The following PCDHGB2 variants were observed in gnomAD, a reference collection of about 807,000 sequenced individuals.
PCDHGB2 encodes protocadherin gamma subfamily B, 2, also known as protocadherin gamma-B2.
In PCDHGB2, 55 loss-of-function variants were observed where a neutral mutation model predicts 59.3. The ratio of observed to expected loss-of-function variants is 0.93; its 90% CI spans 0.75 to 1.16. The LOEUF (loss-of-function observed/expected upper bound fraction) is 1.16. Among genes scored for constraint, PCDHGB2 ranks in the 50% most tolerant of loss-of-function variants. The probability of loss-of-function intolerance (pLI) is 0.00; values close to 1 mark genes in which losing one functional copy is unlikely to be tolerated. For missense variants in PCDHGB2, 1,228 were observed against 1,198.5 expected (o/e 1.02, Z -0.36); for synonymous variants, 516 against 512.0 (o/e 1.01, Z -0.11).
At position 141,360,574 on chromosome 5, in the gene PCDHGB2, A is replaced by G. The variant is rs1761656122; in HGVS notation, c.439A>G (p.Lys147Glu). 3 of 1,613,862 alleles carry G rather than the reference A, an allele frequency of 1.9e-6. No homozygotes were observed. In the African/African-American group the frequency reaches 4.0e-5, roughly 22 times the overall value. Reference protein sequence around the residue: ...KINLKIGESTKPGTTFPLDPA... With the variant: ...KINLKIGESTEPGTTFPLDPA... ...TAATTTAAAAATTGGCGAATCCACT[A>G]AGCCAGGTACAACATTTCCACTTGA... Residue 147 changes from lysine (K) to glutamate (E), a missense_variant, in exon 1 of 4, where the codon AAG becomes GAG. Transcript: ENST00000522605.
At chr5:141,506,462 AAAAG>A (rs1396142744) in intron 3 of PCDHGB2, among the ~76,000 whole-genome samples, 1 of 151,856 alleles carries the variant, frequency 6.6e-6, no homozygotes, top group African/African-American at 2.4e-5. Flanking sequence ...AAAAAAAAAA[AAAAG>A]AGCACAGGCT....
At chr5:141,390,334 A>T (rs764594293) in intron 1 of PCDHGB2, 1 of 1,597,538 alleles carries the variant, frequency 6.3e-7, no homozygotes, top group Non-Finnish European at 8.5e-7. Flanking sequence ...ATTTCTCCAT[A>T]TTCACAAGAA....
chr5:141,387,777 C>G, intron 1 of PCDHGB2: 1 of 1,453,750 alleles, frequency 6.9e-7, no homozygotes, highest in Non-Finnish European at 9.2e-7. Context: ...TTTTCTTGAA[C>G]TGGAACTGCA....
rs539372561 is a variant in PCDHGB2, at chr5:141,379,222, GT to G, written c.2421+16671del. On this transcript the variant is annotated intron_variant, in intron 1 of 3. Coordinates refer to ENST00000522605, the MANE Select transcript of PCDHGB2 (RefSeq NM_018923.3). ...AAATAAGCTGCTAAGAGTAATATGT[GT>G]TTTTCTGAACCAATATTGTGGTATT... 26 of 152,080 alleles carry G rather than the reference GT, an allele frequency of 1.7e-4. 1 individual carries two copies. The highest frequency in any genetic ancestry group is 3.1e-4 in the Non-Finnish European group (21 of 67,992). The allele number at this position is 152,080 out of a possible 1,614,324, so 9.4% of individuals were successfully genotyped here. A position where few individuals can be genotyped will look rare whatever the true frequency, so the allele number is the denominator to read the frequency against.
Position 141,431,479 on chromosome 5 carries a change from A to T in PCDHGB2, c.2422-63328A>T. 1 of 1,613,892 alleles carries T rather than the reference A, an allele frequency of 6.2e-7. No individual in the cohort carries two copies. Among genetic ancestry groups the T allele is most frequent in the South Asian group, 1.1e-5 (1 of 91,092 alleles). On this transcript the variant is annotated intron_variant, in intron 1 of 3. Transcript: ENST00000522605. This position sits in a 1 kb window ranked among gnomAD's most constrained non-coding sequence, Gnocchi z 4.8. ...TTCTGGATGCGAACGACAACGCACC[A>T]GCGTTTGCTCAGCCCGAGTACCGCG...
At chr5:141,422,758 A>C (rs1237677806) in intron 1 of PCDHGB2, 3 of 1,613,032 alleles carry the variant, frequency 1.9e-6, no homozygotes, top group Non-Finnish European at 2.5e-6. Flanking sequence ...TATTAACTCC[A>C]ACACTGGTGT....
At chr5:141,458,870 C>G (rs540373442) in intron 1 of PCDHGB2, among the ~76,000 whole-genome samples, 1 of 152,264 alleles carries the variant, frequency 6.6e-6, no homozygotes, top group South Asian at 2.1e-4. Flanking sequence ...GTAGCTGGGA[C>G]TACAGGCATG....
chr5:141,476,897 A>G lies in PCDHGB2; in HGVS notation c.2422-17910A>G. ...CGTCCTGGAGGATGCACCCTCCGGC[A>G]CGCGCGTGGTACAAGTCCTTGCAAC... On this transcript the variant is annotated intron_variant, in intron 1 of 3. Coordinates refer to ENST00000522605, the MANE Select transcript of PCDHGB2 (RefSeq NM_018923.3). The surrounding 1 kb of genome is among the most constrained non-coding windows in gnomAD (Gnocchi z 7.6). 1 of 1,613,938 alleles carries G rather than the reference A, an allele frequency of 6.2e-7. No individual in the cohort carries two copies. Among genetic ancestry groups the G allele is most frequent in the Non-Finnish European group, 8.5e-7 (1 of 1,180,012 alleles).
chr5:141,475,977 A>C, intron 1 of PCDHGB2: 1 of 972,828 alleles, frequency 1.0e-6, no homozygotes, highest in Non-Finnish European at 1.5e-6. Flanking sequence ...GAGACTGAAC[A>C]GCCGGCGAGC....
intron 1 of PCDHGB2, chr5:141,379,437 A>G (rs1344530566): frequency 6.6e-6 from 1 of 152,252 alleles, no homozygotes; most frequent in Non-Finnish European, 1.5e-5. Context: ...GGGCTGTTAT[A>G]CATATGATTA....
intron 1 of PCDHGB2, chr5:141,409,037 T>A: frequency 3.7e-6 from 6 of 1,613,992 alleles, no homozygotes; most frequent in Non-Finnish European, 5.1e-6. Context: ...TGAGATAAAC[T>A]ACTACTTCCG....
chr5:141,402,843 G>C (rs1370040306), intron 1 of PCDHGB2: 5 of 1,399,114 alleles, frequency 3.6e-6, no homozygotes, highest in Non-Finnish European at 4.7e-6. Flanking sequence ...GCAAAACTCA[G>C]CCTCTTTCTT....
intron 1 of PCDHGB2, chr5:141,388,503 TC>T (rs1405490200): frequency 6.2e-7 from 1 of 1,613,782 alleles, no homozygotes; most frequent in Admixed American, 1.7e-5. Context: ...AAAGCAGAAA[TC>T]CTACCACTTG....
chr5:141,409,022 A>G (rs1258261622), intron 1 of PCDHGB2: 1 of 1,614,046 alleles, frequency 6.2e-7, no homozygotes, highest in Non-Finnish European at 8.5e-7. Flanking sequence ...TGAGGGGGTC[A>G]ATGCTGAGAT....
In PCDHGB2 at chr5:141,388,651, A is replaced by G. The variant is rs186708822; in HGVS notation, c.2421+26095A>G. ...AGGGTGAGCCTTTCAGAAAACGTGT[A>G]CCCGGGGACCACGGTGCTACAGGTG... On this transcript the variant is annotated intron_variant, in intron 1 of 3. Transcript: ENST00000522605. 300 of 1,613,838 alleles carry G rather than the reference A, an allele frequency of 1.9e-4. 1 individual carries two copies. Among genetic ancestry groups the G allele is most frequent in the Admixed American group, 9.7e-4 (58 of 60,020 alleles).
intron 1 of PCDHGB2, chr5:141,419,113 C>A: frequency 6.2e-7 from 1 of 1,613,872 alleles, no homozygotes; most frequent in Non-Finnish European, 8.5e-7. Flanking sequence ...CCCCAGAGTA[C>A]AACGTCACCA....
chr5:141,389,818 G>A (rs778055680), intron 1 of PCDHGB2: 1 of 1,613,888 alleles, frequency 6.2e-7, no homozygotes, highest in Non-Finnish European at 8.5e-7. Flanking sequence ...GTCGCCGTGC[G>A]TGACGGTGGA....
chr5:141,497,739 A>G (rs1180122239), intron 2 of PCDHGB2, among the ~76,000 whole-genome samples: 1 of 152,118 alleles, frequency 6.6e-6, no homozygotes, highest in Admixed American at 6.6e-5. Flanking sequence ...GGGTTTCGCC[A>G]CGTTGGCCAG....
Position 141,487,306 on chromosome 5 carries a change from ACT to A in PCDHGB2, c.2422-7496_2422-7495del. 1 of 1,613,414 alleles carries A rather than the reference ACT, an allele frequency of 6.2e-7. No individual in the cohort carries two copies. The highest frequency in any genetic ancestry group is 8.5e-7 in the Non-Finnish European group (1 of 1,179,874). ...TCTCCTTTGGCTCATTCGTGGCACT[ACT>A]CTCTAAGTGTCTTCGTGGGGCAGCC... On this transcript the variant is annotated intron_variant, in intron 1 of 3. Coordinates refer to ENST00000522605, the MANE Select transcript of PCDHGB2 (RefSeq NM_018923.3). The surrounding 1 kb of genome is among the most constrained non-coding windows in gnomAD (Gnocchi z 5.0).
Sources: gnomAD v4.1 joint callset for allele counts (sites outside exome capture counted in the v4.1 genomes callset) on GRCh38, gnomAD v4.1.1 for gene constraint, Gnocchi (gnomAD v3.1) non-coding constraint, MANE v1.5 for transcripts, NCBI Gene and HGNC (gene_info 2026-07-23, HGNC 2026-07-21) for gene names.